Variants in MGAT5 observed in about 807,000 individuals in gnomAD.
MGAT5 encodes alpha-1,6-mannosylglycoprotein 6-beta-N-acetylglucosaminyltransferase.
In MGAT5, 30 loss-of-function variants were observed where a neutral mutation model predicts 94.3. The ratio of observed to expected loss-of-function variants is 0.32; its 90% CI spans 0.24 to 0.43. The LOEUF (loss-of-function observed/expected upper bound fraction) is 0.43. Among genes scored for constraint, MGAT5 ranks in the 20% least tolerant of loss-of-function variants. The pLI is 1.00. For missense variants in MGAT5, 691 were observed against 905.5 expected (o/e 0.76, Z 3.04); for synonymous variants, 310 against 322.9 (o/e 0.96, Z 0.43).
chr2:134,226,295 T>C (rs977818031), intron 1 of MGAT5, among the ~76,000 whole-genome samples: 1 of 152,210 alleles, frequency 6.6e-6, no homozygotes, highest in East Asian at 1.9e-4. Context: ...ATGCAAGATG[T>C]CTTAAGAATT....
chr2:134,315,030 A>G (rs1686917405), intron 2 of MGAT5, among the ~76,000 whole-genome samples: 1 of 152,200 alleles, frequency 6.6e-6, no homozygotes, highest in Non-Finnish European at 1.5e-5. Context: ...CTGTTTCTTT[A>G]CAAAAAAAGT....
intron 12 of MGAT5, among the ~76,000 whole-genome samples, chr2:134,416,511 C>T (rs887993287): frequency 6.2e-5 from 9 of 144,474 alleles, no homozygotes; most frequent in African/African-American, 2.4e-4. Flanking sequence ...CTCTGCCACC[C>T]AGGCTGGAGG....
intron 2 of MGAT5, among the ~76,000 whole-genome samples, chr2:134,313,142 T>C (rs1326092608): frequency 1.3e-5 from 2 of 151,908 alleles, no homozygotes; most frequent in African/African-American, 2.4e-5. Flanking sequence ...TTAATATGAA[T>C]GTGAAATGCC....
At chr2:134,411,002 G>A (rs965217783) in intron 11 of MGAT5, among the ~76,000 whole-genome samples, 1 of 152,260 alleles carries the variant, frequency 6.6e-6, no homozygotes, top group Admixed American at 6.5e-5. Context: ...GATAGGAGAG[G>A]GCAAATCAGA....
intron 2 of MGAT5, among the ~76,000 whole-genome samples, chr2:134,311,789 G>A (rs773104075): frequency 6.6e-6 from 1 of 152,134 alleles, no homozygotes; most frequent in Non-Finnish European, 1.5e-5. Flanking sequence ...ATGATGCCGC[G>A]TAGTTGATAG....
At chr2:134,248,001 C>T (rs962398934) in intron 1 of MGAT5, among the ~76,000 whole-genome samples, 1 of 152,124 alleles carries the variant, frequency 6.6e-6, no homozygotes, top group Non-Finnish European at 1.5e-5. Flanking sequence ...ATCTCACTGC[C>T]CTGCCCCCCT....
chr2:134,335,617 TCTC>T (rs955334641), intron 4 of MGAT5, among the ~76,000 whole-genome samples: 1 of 152,098 alleles, frequency 6.6e-6, no homozygotes, highest in African/African-American at 2.4e-5. Flanking sequence ...TTTTTTTTTT[TCTC>T]CTCCTTTCAT....
intron 1 of MGAT5, among the ~76,000 whole-genome samples, chr2:134,262,120 A>G (rs1163469149): frequency 1.3e-5 from 2 of 152,272 alleles, no homozygotes; most frequent in African/African-American, 4.8e-5. Flanking sequence ...AACAGACAAT[A>G]TAATATCATT....
intron 1 of MGAT5, among the ~76,000 whole-genome samples, chr2:134,134,533 G>A (rs980074213): frequency 6.6e-5 from 10 of 152,206 alleles, no homozygotes; most frequent in African/African-American, 2.4e-4. Context: ...GTTACAGGGT[G>A]TAAGCCACAC....
intron 11 of MGAT5, among the ~76,000 whole-genome samples, chr2:134,407,309 A>T (rs1325057520): frequency 6.6e-6 from 1 of 152,200 alleles, no homozygotes; most frequent in Non-Finnish European, 1.5e-5. Flanking sequence ...CAATTGAAGC[A>T]GGTTTCATCC....
In MGAT5 at chr2:134,283,645, C is replaced by CTTTTT. The variant is rs35922830; in HGVS notation, c.406+13119_406+13123dup. Among the ~76,000 whole-genome samples, 11 of 69,070 alleles carry CTTTTT rather than the reference C, an allele frequency of 1.6e-4. 1 individual carries two copies. The highest frequency in any genetic ancestry group is 6.2e-4 in the African/African-American group (9 of 14,500). 45.3% of individuals were successfully genotyped at this position (69,070 alleles called of 152,430 possible). A position where few individuals can be genotyped will look rare whatever the true frequency, so the allele number is the denominator to read the frequency against. ...AAGCCATTGTTGAGGAATGTAGTATCTTTTTTTTTTTTTTTTTTTTTTTTT... is the reference window on the plus strand; with the variant it reads ...AAGCCATTGTTGAGGAATGTAGTATCTTTTTTTTTTTTTTTTTTTTTTTTTTTTTT... On this transcript the variant is annotated intron_variant, in intron 2 of 15. Coordinates refer to ENST00000281923, the MANE Select transcript of MGAT5 (RefSeq NM_002410.5).
intron 1 of MGAT5, among the ~76,000 whole-genome samples, chr2:134,199,571 AAAT>A (rs1325113355): frequency 7.3e-5 from 11 of 151,696 alleles, no homozygotes; most frequent in Non-Finnish European, 1.6e-4. Context: ...ATGGAGCATT[AAAT>A]CCCTGCTTAG....
intron 2 of MGAT5, among the ~76,000 whole-genome samples, chr2:134,309,030 C>T (rs1311022940): frequency 6.6e-6 from 1 of 152,220 alleles, no homozygotes. Context: ...TTCACTCTCT[C>T]TCTAGATTTG....
chr2:134,440,647 A>G (rs1685434765), intron 14 of MGAT5, among the ~76,000 whole-genome samples: 1 of 152,244 alleles, frequency 6.6e-6, no homozygotes, highest in African/African-American at 2.4e-5. Context: ...TTATTGTACA[A>G]TAAAACTTCA....
intron 1 of MGAT5, among the ~76,000 whole-genome samples, chr2:134,196,617 T>C (rs1464776948): frequency 6.6e-6 from 1 of 152,246 alleles, no homozygotes; most frequent in African/African-American, 2.4e-5. Flanking sequence ...TCGATGCTTG[T>C]AAGTGACATG....
Position 134,338,290 on chromosome 2 carries a change from A to G in MGAT5, c.677A>G (p.Tyr226Cys), listed in dbSNP as rs1318926907. ...AEIRTDFNIL[Y>C]SMMKKHEEFR... is the part of the protein sequence containing the mutation. ...ATTCGTACAGATTTTAATATTCTCT[A>G]CAGTATGATGAAAAAGCATGAAGAA... is the stretch of plus-strand genomic sequence containing the variant. Residue 226 changes from tyrosine to cysteine, a missense_variant, in exon 6 of 16, where the codon TAC becomes TGC. Tyr to Cys is a radical substitution (Grantham distance 194, BLOSUM62 -2). Around this residue, in one of 4 missense-constraint regions of MGAT5, gnomAD observed 307 missense variants for 335.4 expected, o/e 0.92. Transcript: ENST00000281923. The G allele has an allele frequency of 7.4e-6, 12 of 1,612,472 alleles. No individual in the cohort carries two copies. In the Middle Eastern group the frequency reaches 8.3e-4, roughly 111 times the overall value.
At chr2:134,137,657 A>G (rs1041633641) in intron 1 of MGAT5, among the ~76,000 whole-genome samples, 22 of 152,212 alleles carry the variant, frequency 1.4e-4, no homozygotes, top group Admixed American at 6.5e-4. Context: ...TCGGATAACC[A>G]TATGAAAAGA....
chr2:134,443,437 C>G (rs1006156531), intron 15 of MGAT5, among the ~76,000 whole-genome samples: 6 of 152,198 alleles, frequency 3.9e-5, no homozygotes, highest in Non-Finnish European at 8.8e-5. Context: ...GGTGATCTGC[C>G]CGCCTAGGCC....
intron 1 of MGAT5, among the ~76,000 whole-genome samples, chr2:134,183,338 G>C (rs1184041429): frequency 1.3e-5 from 2 of 152,154 alleles, no homozygotes; most frequent in East Asian, 3.9e-4. Context: ...TTATTTGGAA[G>C]GAAGATAATA....
Sources: allele counts gnomAD v4.1 joint callset (sites outside exome capture counted in the v4.1 genomes callset), GRCh38; gene constraint gnomAD v4.1.1; regional missense constraint gnomAD v4.1.1; transcripts MANE v1.5; gene names NCBI Gene and HGNC (gene_info 2026-07-23, HGNC 2026-07-21).